The following FMO3 variants were observed in gnomAD, a reference collection of about 807,000 sequenced individuals.
FMO3 encodes flavin containing dimethylaniline monoxygenase 3.
A neutral mutation model predicts 39.4 loss-of-function variants in FMO3; 40 were observed. The observed-to-expected ratio is 1.02, with a 90% CI of 0.79 to 1.32. The LOEUF (loss-of-function observed/expected upper bound fraction) is 1.32, where lower values mean the gene tolerates loss of function less well. FMO3 is among the 40% of genes most tolerant of loss of function. The probability of loss-of-function intolerance (pLI) is 0.00; values close to 1 mark genes in which losing one functional copy is unlikely to be tolerated. For synonymous variants in FMO3, 219 were observed against 228.8 expected, an observed-to-expected ratio of 0.96 and a Z score of 0.39; for missense variants, 680 against 651.8, an observed-to-expected ratio of 1.04 and a Z score of -0.47.
At position 171,117,164 on chromosome 1, in the gene FMO3, A is replaced by T. The variant is rs1316729830; in HGVS notation, c.1321A>T (p.Ile441Phe). The T allele has an allele frequency of 6.2e-7, 1 of 1,614,168 alleles. No individual in the cohort carries two copies. Among genetic ancestry groups the T allele is most frequent in the South Asian group, 1.1e-5 (1 of 91,082 alleles). Residue 441 changes from isoleucine (I) to phenylalanine (F), a missense_variant, in exon 9 of 9, where the codon ATT becomes TTT. Ile to Phe is a conservative substitution (Grantham distance 21). Coordinates refer to ENST00000367755, the MANE Select transcript of FMO3 (RefSeq NM_001002294.3). ...IVYMDELSSF[I>F]GAKPNIPWLF... The stretch of plus-strand genomic sequence containing the variant: ...TTATATGGATGAACTCTCCTCCTTC[A>T]TTGGGGCAAAGCCCAACATCCCATG...
intron 5 of FMO3, among the ~76,000 whole-genome samples, chr1:171,109,427 A>G (rs1018488490): frequency 6.6e-6 from 1 of 151,824 alleles, no homozygotes; most frequent in African/African-American, 2.4e-5. Flanking sequence ...CATAGTTTTC[A>G]CAGATTTCTA....
intron 2 of FMO3, among the ~76,000 whole-genome samples, chr1:171,096,016 T>TATATTAACATATAA (rs1431040753): frequency 2.1e-5 from 1 of 47,534 alleles, no homozygotes; most frequent in Non-Finnish European, 3.6e-5. Flanking sequence ...AATATACATA[T>TATATTAACATATAA]TATATATTAA....
Position 171,092,607 on chromosome 1 carries a change from T to G in FMO3, c.-6-46T>G. On this transcript the variant is annotated intron_variant, in intron 1 of 8. Transcript: ENST00000367755. ...TAAATAGATAAATAAGTAAATACATTTTCAGCAATGTTGTTACTGGAAATG... is the reference window on the plus strand; with the variant it reads ...TAAATAGATAAATAAGTAAATACATGTTCAGCAATGTTGTTACTGGAAATG... 1.9e-6 allele frequency: 3 copies of G among 1,607,150 alleles called. No homozygotes were observed. In the African/African-American group the frequency reaches 4.0e-5, roughly 21 times the overall value.
rs1655527627 is a variant in FMO3 at position 171,103,980 on chromosome 1, T to C, written c.321+7T>C. On this transcript the variant is annotated splice_region_variant and intron_variant, in intron 3 of 8. Transcript: ENST00000367755. ...GAAGTACATACAATTTAAGGTAAGA[T>C]GTTATCAACAATTTAGCTCTTGTCA... The C allele has an allele frequency of 2.5e-6, 4 of 1,596,926 alleles. No homozygotes were observed.
In FMO3 at chr1:171,101,839, G is replaced by A. The variant is rs866180023; in HGVS notation, c.133-1946G>A. ...CAGGAGCTCCCCAAACAATAAATCAGTAAATCATATGAATTTTTGCATGAA... is the reference window on the plus strand; with the variant it reads ...CAGGAGCTCCCCAAACAATAAATCAATAAATCATATGAATTTTTGCATGAA... On this transcript the variant is annotated intron_variant, in intron 2 of 8. Transcript: ENST00000367755. 4 of 436,512 alleles carry A rather than the reference G, an allele frequency of 9.2e-6. No individual in the cohort carries two copies. The Middle Eastern group carries it at 1.0e-3, about 113-fold the overall frequency. 27.0% of individuals were successfully genotyped at this position (436,512 alleles called of 1,614,324 possible).
At chr1:171,114,418 T>C in intron 7 of FMO3, 56 bp downstream of exon 7, 1 of 1,275,578 alleles carries the variant, frequency 7.8e-7, no homozygotes, top group South Asian at 1.2e-5. Flanking sequence ...GACAATAACT[T>C]TGGATCTTTG....
intron 1 of FMO3, 145 bp from the exon 2 acceptor site, chr1:171,092,508 G>T (rs1571195323): frequency 2.2e-6 from 2 of 903,606 alleles, no homozygotes; most frequent in East Asian, 2.8e-5. Flanking sequence ...TGGGATTACA[G>T]GCGTGAGCTA....
In FMO3 at chr1:171,108,130, C is replaced by G; in HGVS notation, c.536C>G (p.Pro179Arg). Residue 179 changes from proline (P) to arginine (R), a missense_variant, in exon 5 of 9, where the codon CCA becomes CGA. By Grantham distance (103) the Pro-to-Arg change is moderately radical. Coordinates refer to ENST00000367755, the MANE Select transcript of FMO3 (RefSeq NM_001002294.3). ...TTCCACAGCAGGGACTATAAAGAAC[C>G]AGGTGTATTCAATGGAAAGCGTGTC... Reference protein sequence around the residue: ...KCFHSRDYKEPGVFNGKRVLV... With the variant: ...KCFHSRDYKERGVFNGKRVLV... 2 of 1,613,784 alleles carry G rather than the reference C, an allele frequency of 1.2e-6. No individual in the cohort carries two copies. The highest frequency in any genetic ancestry group is 1.7e-6 in the Non-Finnish European group (2 of 1,179,876).
chr1:171,107,964 G>T, intron 4 of FMO3, 115 bp from the exon 5 acceptor site: 3 of 1,363,416 alleles, frequency 2.2e-6, no homozygotes, highest in Non-Finnish European at 3.1e-6. Flanking sequence ...TAATATGCTT[G>T]GTGTGTTAAA....
intron 3 of FMO3, among the ~76,000 whole-genome samples, chr1:171,106,132 C>G (rs907781398): frequency 6.6e-6 from 1 of 151,636 alleles, no homozygotes; most frequent in Non-Finnish European, 1.5e-5. Context: ...TTTAATGTGA[C>G]TATTAGAATT....
At position 171,107,743 on chromosome 1, in the gene FMO3, A is replaced by C. The variant is rs1465357830; in HGVS notation, c.390A>C (p.Glu130Asp). Residue 130 changes from glutamate to aspartate, a missense_variant, in exon 4 of 9, where the codon GAA (glutamate) becomes GAC (aspartate). Transcript: ENST00000367755. ...ATTGQWDVTTERDGKKESAVF... is the reference protein window; with the variant it reads ...ATTGQWDVTTDRDGKKESAVF... ...CTGGCCAGTGGGATGTTACCACTGAAAGGGATGGTAAAAAAGAATCGGCTG... is the reference window on the plus strand; with the variant it reads ...CTGGCCAGTGGGATGTTACCACTGACAGGGATGGTAAAAAAGAATCGGCTG... The C allele has an allele frequency of 1.2e-6, 2 of 1,613,170 alleles. No homozygotes were observed. Among genetic ancestry groups the C allele is most frequent in the Non-Finnish European group, 1.7e-6 (2 of 1,179,366 alleles).
In FMO3 at chr1:171,115,815, A is replaced by G. The variant is rs575377026; in HGVS notation, c.1184-393A>G. Among the ~76,000 whole-genome samples, 4 of 152,224 alleles carry G rather than the reference A, an allele frequency of 2.6e-5. No individual in the cohort carries two copies. The South Asian group carries it at 6.2e-4, about 24-fold the overall frequency. Reference sequence around the variant, plus strand: ...AAAACTTAGCCCTTCACCAAATTCGATATCTTATCTTCTGGAAATTCCATT... The same window carrying G: ...AAAACTTAGCCCTTCACCAAATTCGGTATCTTATCTTCTGGAAATTCCATT... On this transcript the variant is annotated intron_variant, in intron 7 of 8. Transcript: ENST00000367755.
In FMO3 at chr1:171,103,849, T is replaced by C. The variant is rs1655520091; in HGVS notation, c.197T>C (p.Met66Thr). 1.2e-6 allele frequency: 2 copies of C among 1,613,748 alleles called. No individual in the cohort carries two copies. Reference protein sequence around the residue: ...KSVFSNSSKEMMCFPDFPFPD... With the variant: ...KSVFSNSSKETMCFPDFPFPD... Reference sequence around the variant, plus strand: ...GTCTTTTCCAACTCTTCCAAAGAGATGATGTGTTTCCCAGACTTCCCATTT... The same window carrying C: ...GTCTTTTCCAACTCTTCCAAAGAGACGATGTGTTTCCCAGACTTCCCATTT... Residue 66 changes from methionine to threonine, a missense_variant, in exon 3 of 9, where the codon ATG (methionine) becomes ACG (threonine). Coordinates refer to ENST00000367755, the MANE Select transcript of FMO3 (RefSeq NM_001002294.3).
intron 7 of FMO3, 25 bp downstream of exon 7, chr1:171,114,387 A>G: frequency 6.6e-7 from 1 of 1,515,318 alleles, no homozygotes; most frequent in South Asian, 1.1e-5. Flanking sequence ...AGGCTCATGG[A>G]TTGCGAAGAT....
chr1:171,111,114 A>C (rs1655891729), intron 6 of FMO3, 117 bp downstream of exon 6: 1 of 819,324 alleles, frequency 1.2e-6, no homozygotes, highest in Non-Finnish European at 2.1e-6. Context: ...CATATATCAG[A>C]AGATAAAGAA....
intron 2 of FMO3, chr1:171,101,852 A>G (rs377520130): frequency 5.0e-5 from 21 of 415,962 alleles, no homozygotes; most frequent in African/African-American, 4.2e-4. Context: ...AATCATATGA[A>G]TTTTTGCATG....
At chr1:171,092,870 A>G in intron 2 of FMO3, 80 bp downstream of exon 2, 1 of 1,421,268 alleles carries the variant, frequency 7.0e-7, no homozygotes, top group Non-Finnish European at 9.9e-7. Context: ...ACAGGTTTCC[A>G]AACCTGCTAC....
At chr1:171,115,116 C>T (rs1350194231) in intron 7 of FMO3, among the ~76,000 whole-genome samples, 1 of 152,134 alleles carries the variant, frequency 6.6e-6, no homozygotes, top group Non-Finnish European at 1.5e-5. Flanking sequence ...AAATTTCACT[C>T]AGGATTCCAC....
intron 1 of FMO3, among the ~76,000 whole-genome samples, chr1:171,092,159 T>C (rs1397722395): frequency 6.6e-6 from 1 of 152,192 alleles, no homozygotes; most frequent in Non-Finnish European, 1.5e-5. Context: ...CTTATTTTTT[T>C]TTCAGAAGAA....
Sources: gnomAD v4.1 joint callset for allele counts (sites outside exome capture counted in the v4.1 genomes callset) on GRCh38, gnomAD v4.1.1 for gene constraint, MANE v1.5 for transcripts, NCBI Gene and HGNC (gene_info 2026-07-23, HGNC 2026-07-21) for gene names.